MGAM: variants seen among roughly 807,000 people sequenced by gnomAD.
MGAM encodes maltase-glucoamylase.
A neutral mutation model predicts 358.8 loss-of-function variants in MGAM; 253 were observed. That is an observed-to-expected ratio of 0.71 (90% CI 0.64 to 0.78). MGAM has a LOEUF of 0.78. Ranked by LOEUF, MGAM falls within the 30% of genes least tolerant of loss-of-function variation. The pLI is 0.00. For synonymous variants in MGAM, 1,105 were observed against 1,227.1 expected (o/e 0.90, Z 2.08); for missense variants, 3,080 against 3,432.6 (o/e 0.90, Z 2.57).
At chr7:142,067,451 G>T in intron 42 of MGAM, 26 bp downstream of exon 42, 1 of 1,523,696 alleles carries the variant, frequency 6.6e-7, no homozygotes, top group Non-Finnish European at 9.1e-7. Context: ...TCCGATGAGG[G>T]GAGGATCCCA....
At chr7:141,994,641 C>G (rs181121214), upstream of MGAM, among the ~76,000 whole-genome samples, 3 of 152,164 alleles carry the variant, frequency 2.0e-5, no homozygotes, top group Non-Finnish European at 4.4e-5. Flanking sequence ...ATTGTAATCC[C>G]CATAATCCCC....
chr7:142,084,347 C>T (rs1487380389), intron 53 of MGAM, among the ~76,000 whole-genome samples, 172 bp from the exon 54 acceptor site: 1 of 146,126 alleles, frequency 6.8e-6, no homozygotes, highest in Admixed American at 6.9e-5. Flanking sequence ...TCAAGTCTAG[C>T]AGAAAGCTTT....
intron 55 of MGAM, 104 bp from the exon 56 acceptor site, chr7:142,086,114 C>A: frequency 7.0e-7 from 1 of 1,424,044 alleles, no homozygotes; most frequent in Non-Finnish European, 9.6e-7. Context: ...CTCTACAGTT[C>A]AGGTAGAAGC....
intron 58 of MGAM, 143 bp downstream of exon 58, chr7:142,092,190 A>G (rs1815449194): frequency 8.3e-7 from 1 of 1,209,744 alleles, no homozygotes; most frequent in African/African-American, 1.5e-5. Context: ...TCCTCTCAGG[A>G]GAGGAACAGC....
intron 68 of MGAM, among the ~76,000 whole-genome samples, chr7:142,102,069 A>C (rs567818255): frequency 2.0e-5 from 3 of 152,188 alleles, no homozygotes; most frequent in Non-Finnish European, 4.4e-5. Context: ...GCTGAACTTC[A>C]TATTCTTCCT....
At chr7:142,043,077 AAATAT>A (rs1220405822) in intron 21 of MGAM, among the ~76,000 whole-genome samples, 1 of 69,982 alleles carries the variant, frequency 1.4e-5, no homozygotes, top group African/African-American at 7.3e-5. Context: ...TATAATATCT[AAATAT>A]AATATATATA....
intron 21 of MGAM, 106 bp from the exon 22 acceptor site, chr7:142,047,679 T>C (rs775675844): frequency 5.8e-6 from 6 of 1,029,436 alleles, no homozygotes; most frequent in African/African-American, 1.6e-5. Context: ...CAGAACCATC[T>C]GCTGCTAGTA....
intron 19 of MGAM, 49 bp from the exon 20 acceptor site, chr7:142,040,063 AAAG>A: frequency 6.5e-6 from 9 of 1,379,366 alleles, no homozygotes; most frequent in Non-Finnish European, 9.2e-6. Context: ...TAGAGAATAA[AAAG>A]AAATCCATTT....
In MGAM at chr7:142,080,216, T is replaced by A. The variant is rs2129052192; in HGVS notation, c.5848-575T>A. The stretch of plus-strand genomic sequence containing the variant: ...ACAGCACTTCTACATAGCTCTCCCT[T>A]AGCACACATCACCCAGGTGTTGTGA... On this transcript the variant is annotated intron_variant, in intron 49 of 70. Transcript: ENST00000475668. Among the ~76,000 whole-genome samples, 2 of 146,560 alleles carry A rather than the reference T, an allele frequency of 1.4e-5. 1 individual carries two copies. Among genetic ancestry groups the A allele is most frequent in the South Asian group, 4.3e-4 (2 of 4,608 alleles).
chr7:142,038,948 C>G (rs1424983477), intron 19 of MGAM, among the ~76,000 whole-genome samples: 1 of 152,070 alleles, frequency 6.6e-6, no homozygotes, highest in Admixed American at 6.6e-5. Context: ...CATTGGCTCA[C>G]AGTTCTGAAA....
Position 142,008,751 on chromosome 7 carries a change from G to C in MGAM, c.327+46G>C, listed in dbSNP as rs193207319. 3 of 1,575,920 alleles carry C rather than the reference G, an allele frequency of 1.9e-6. No homozygotes were observed. In the East Asian group the frequency reaches 6.7e-5, roughly 35 times the overall value. The stretch of plus-strand genomic sequence containing the variant: ...TTCCATTTTAGAATTTATGCAACTT[G>C]ATAGTTTATTTTTTTTTGTTGTTTT... On this transcript the variant is annotated intron_variant, in intron 3 of 70. Transcript: ENST00000475668.
Position 142,052,440 on chromosome 7 carries a change from C to G in MGAM, c.2952C>G (p.Ile984Met). The G allele has an allele frequency of 6.2e-7, 1 of 1,613,284 alleles. No individual in the cohort carries two copies. Among genetic ancestry groups the G allele is most frequent in the Non-Finnish European group, 8.5e-7 (1 of 1,179,666 alleles). ...AAAACTGCACTGCCCGTGGCTGTAT[C>G]TGGGAGGTAACCATGCTGATGGGGT... is the stretch of plus-strand genomic sequence containing the variant. ...SAENCTARGC[I>M]WEASNSSGVP... Residue 984 changes from isoleucine to methionine, a missense_variant, in exon 25 of 71, where the codon ATC (isoleucine) becomes ATG (methionine). Ile to Met is a conservative substitution (Grantham distance 10). Around this residue, in one of 5 missense-constraint regions of MGAM, gnomAD observed 1,816 missense variants for 1,840.5 expected, o/e 0.99. Transcript: ENST00000475668.
In MGAM at chr7:142,089,575, G is replaced by A. The variant is rs928980437; in HGVS notation, c.6811-2338G>A. 2.1e-5 allele frequency among the ~76,000 whole-genome samples: 3 copies of A among 145,996 alleles called. 1 individual carries two copies. Among genetic ancestry groups the A allele is most frequent in the Admixed American group, 1.4e-4 (2 of 14,556 alleles). ...CCCAGCACTTTGGGAGGCTGATCAC[G>A]AGGTCAGGAGTTCAAGATCAACCTG... On this transcript the variant is annotated intron_variant, in intron 57 of 70. Coordinates refer to ENST00000475668, the MANE Select transcript of MGAM (RefSeq NM_001365693.1).
At chr7:142,078,541 G>A (rs1813946203) in intron 48 of MGAM, 71 bp downstream of exon 48, 1 of 1,366,736 alleles carries the variant, frequency 7.3e-7, no homozygotes, top group African/African-American at 1.4e-5. Flanking sequence ...AAGCATAGCA[G>A]TGGCACTTAT....
In MGAM at chr7:142,022,895, A is replaced by G. The variant is rs1004481207; in HGVS notation, c.882+456A>G. Among the ~76,000 whole-genome samples the G allele has an allele frequency of 6.4e-4, 97 of 152,336 alleles. 1 individual carries two copies. Among genetic ancestry groups the G allele is most frequent in the Non-Finnish European group, 2.1e-4 (14 of 68,026 alleles). On this transcript the variant is annotated intron_variant, in intron 7 of 70. Coordinates refer to ENST00000475668, the MANE Select transcript of MGAM (RefSeq NM_001365693.1). ...ACAATAGGATAAAGTCTCAGCTAAA[A>G]CAATCATTTTTTGTATAAAGAATGA...
At chr7:142,066,223 G>A (rs1812742994) in intron 40 of MGAM, among the ~76,000 whole-genome samples, 1 of 146,228 alleles carries the variant, frequency 6.8e-6, no homozygotes, top group South Asian at 2.2e-4. Context: ...GCCTCCAAAA[G>A]TGCTGGGATT....
chr7:142,044,414 A>G (rs1231701304), intron 21 of MGAM, among the ~76,000 whole-genome samples: 1 of 140,024 alleles, frequency 7.1e-6, no homozygotes, highest in African/African-American at 2.6e-5. Flanking sequence ...TATATAATGA[A>G]TATTATATAC....
intron 58 of MGAM, 73 bp downstream of exon 58, chr7:142,092,120 A>C: frequency 6.7e-7 from 1 of 1,490,084 alleles, no homozygotes; most frequent in South Asian, 1.2e-5. Flanking sequence ...TGTACCACTG[A>C]CCTTCAGTCA....
chr7:142,066,884 A>T (rs2129044833), intron 41 of MGAM, among the ~76,000 whole-genome samples, 163 bp downstream of exon 41: 1 of 146,598 alleles, frequency 6.8e-6, no homozygotes, highest in African/African-American at 2.4e-5. Context: ...GCACAGTGTT[A>T]TACATACCGT....
Sources: gnomAD v4.1 joint callset for allele counts (sites outside exome capture counted in the v4.1 genomes callset) on GRCh38, gnomAD v4.1.1 for gene constraint, gnomAD v4.1.1 regional missense constraint, MANE v1.5 for transcripts, NCBI Gene and HGNC (gene_info 2026-07-23, HGNC 2026-07-21) for gene names.